The following SGCZ variants were observed in gnomAD, a reference collection of about 807,000 sequenced individuals.
The protein encoded by SGCZ is zeta-sarcoglycan.
A neutral mutation model predicts 41.3 loss-of-function variants in SGCZ; 40 were observed. The ratio of observed to expected loss-of-function variants is 0.97; its 90% CI spans 0.75 to 1.26. SGCZ has a LOEUF of 1.26. SGCZ is among the 50% of genes most tolerant of loss of function. The probability of loss-of-function intolerance (pLI) is 0.00; values close to 1 mark genes in which losing one functional copy is unlikely to be tolerated. For synonymous variants in SGCZ, 206 were observed against 137.5 expected, an observed-to-expected ratio of 1.50 and a Z score of -3.49; for missense variants, 552 against 369.8, an observed-to-expected ratio of 1.49 and a Z score of -4.04.
intron 1 of SGCZ, among the ~76,000 whole-genome samples, chr8:14,802,255 A>T (rs1477781790): frequency 4.6e-5 from 7 of 152,196 alleles, no homozygotes; most frequent in African/African-American, 1.7e-4. Context: ...TAAACCCTTA[A>T]TGTGTATTTA....
intron 1 of SGCZ, among the ~76,000 whole-genome samples, chr8:15,056,954 G>A (rs1291767690): frequency 1.3e-5 from 2 of 152,182 alleles, no homozygotes; most frequent in Admixed American, 6.5e-5. Flanking sequence ...GGTGTTTTGA[G>A]AGTGGAATGC....
At chr8:14,381,129 G>C (rs949336660) in intron 2 of SGCZ, among the ~76,000 whole-genome samples, 1 of 152,020 alleles carries the variant, frequency 6.6e-6, no homozygotes, top group Non-Finnish European at 1.5e-5. Context: ...GATAAAATTT[G>C]AACCAGCCTA....
chr8:14,122,136 G>A (rs745538078), intron 5 of SGCZ, among the ~76,000 whole-genome samples: 15 of 152,156 alleles, frequency 9.9e-5, no homozygotes, highest in Non-Finnish European at 1.5e-4. Context: ...AAATAGCCGC[G>A]CATGGCGGCA....
At chr8:14,186,353 C>A (rs1182760406) in intron 4 of SGCZ, among the ~76,000 whole-genome samples, 2 of 152,210 alleles carry the variant, frequency 1.3e-5, no homozygotes, top group Admixed American at 1.3e-4. Flanking sequence ...TTCCTTCCCA[C>A]CCCATCCTAA....
intron 1 of SGCZ, among the ~76,000 whole-genome samples, chr8:14,709,433 G>A (rs574072552): frequency 6.6e-6 from 1 of 152,088 alleles, no homozygotes; most frequent in Non-Finnish European, 1.5e-5. Context: ...TTTACTGAAA[G>A]CTCAATTACT....
chr8:14,794,788 G>A (rs560350798), intron 1 of SGCZ, among the ~76,000 whole-genome samples: 38 of 152,132 alleles, frequency 2.5e-4, no homozygotes, highest in Non-Finnish European at 4.1e-4. Flanking sequence ...ACCATAGAGG[G>A]ACAAATCTGA....
chr8:14,302,254 A>C (rs1801217452), intron 3 of SGCZ, among the ~76,000 whole-genome samples: 1 of 152,174 alleles, frequency 6.6e-6, no homozygotes, highest in Non-Finnish European at 1.5e-5. Flanking sequence ...AAATTTAAAC[A>C]TTTCTGCAAA....
intron 1 of SGCZ, among the ~76,000 whole-genome samples, chr8:14,833,031 C>G (rs897792185): frequency 9.9e-5 from 15 of 151,824 alleles, no homozygotes; most frequent in Non-Finnish European, 1.9e-4. Flanking sequence ...AATGCTTAAT[C>G]TGTTTTTCTC....
At chr8:15,222,456 C>T (rs1046312290) in intron 1 of SGCZ, among the ~76,000 whole-genome samples, 1 of 151,986 alleles carries the variant, frequency 6.6e-6, no homozygotes, top group Non-Finnish European at 1.5e-5. Context: ...AAAAAAAACA[C>T]CCCTGGAAGG....
intron 1 of SGCZ, among the ~76,000 whole-genome samples, chr8:14,700,560 A>C (rs1022917106): frequency 4.6e-5 from 7 of 151,872 alleles, no homozygotes; most frequent in African/African-American, 1.7e-4. Context: ...CCTCAGTGAC[A>C]CACAATTTAC....
chr8:14,413,354 T>A (rs890440759), intron 2 of SGCZ, among the ~76,000 whole-genome samples: 5 of 126,400 alleles, frequency 4.0e-5, no homozygotes, highest in African/African-American at 7.2e-5. Flanking sequence ...CCTTACTTTT[T>A]AAGCTATTTA....
At chr8:14,675,768 A>G (rs909305099) in intron 1 of SGCZ, among the ~76,000 whole-genome samples, 2 of 152,200 alleles carry the variant, frequency 1.3e-5, no homozygotes, top group Non-Finnish European at 2.9e-5. Flanking sequence ...GAAAATGGAA[A>G]CAAATAACAC....
chr8:14,542,437 G>T (rs530340754), intron 2 of SGCZ, among the ~76,000 whole-genome samples: 1 of 151,960 alleles, frequency 6.6e-6, no homozygotes, highest in Non-Finnish European at 1.5e-5. Flanking sequence ...AGTATATTTT[G>T]GAAAAGGAAC....
chr8:14,611,715 A>G (rs1050236213), intron 1 of SGCZ, among the ~76,000 whole-genome samples: 7 of 152,228 alleles, frequency 4.6e-5, no homozygotes, highest in Admixed American at 1.3e-4. Flanking sequence ...AAATATTTCC[A>G]TATGTAGTTG....
chr8:15,206,664 G>A (rs1165091636), intron 1 of SGCZ, among the ~76,000 whole-genome samples: 1 of 151,992 alleles, frequency 6.6e-6, no homozygotes, highest in Non-Finnish European at 1.5e-5. Context: ...TGCCAGGCTG[G>A]TCTCGAACTC....
At chr8:15,231,812 G>C (rs1381571542) in intron 1 of SGCZ, among the ~76,000 whole-genome samples, 3 of 151,788 alleles carry the variant, frequency 2.0e-5, no homozygotes, top group Non-Finnish European at 4.4e-5. Context: ...AGTAGAAACA[G>C]GGTTTCACCG....
At chr8:14,946,005 CAT>C (rs34647526) in intron 1 of SGCZ, among the ~76,000 whole-genome samples, 171 of 14,838 alleles carry the variant, frequency 0.012, no homozygotes, top group Non-Finnish European at 0.013. Context: ...TAAATGTCCC[CAT>C]ATATATATAT....
chr8:14,764,042 T>A (rs1050665235), intron 1 of SGCZ, among the ~76,000 whole-genome samples: 3 of 152,326 alleles, frequency 2.0e-5, no homozygotes, highest in African/African-American at 7.2e-5. Context: ...TGATGCCATG[T>A]CTGGCAGGGA....
At chr8:14,392,735 T>C (rs1482669463) in intron 2 of SGCZ, among the ~76,000 whole-genome samples, 2 of 152,172 alleles carry the variant, frequency 1.3e-5, no homozygotes, top group African/African-American at 2.4e-5. Context: ...AATAAAACTA[T>C]ATGTGATTTA....
Sources: gnomAD v4.1 joint callset for allele counts (sites outside exome capture counted in the v4.1 genomes callset) on GRCh38, gnomAD v4.1.1 for gene constraint, MANE v1.5 for transcripts, NCBI Gene and HGNC (gene_info 2026-07-23, HGNC 2026-07-21) for gene names.